The following GNAS variants were observed in gnomAD, a reference collection of about 807,000 sequenced individuals.
GNAS encodes the protein GNAS complex locus, also known as protein ALEX.
A neutral mutation model predicts 54.5 loss-of-function variants in GNAS; 8 were observed. The observed-to-expected ratio is 0.15, with a 90% CI of 0.09 to 0.26. GNAS has a LOEUF of 0.26. Among genes scored for constraint, GNAS ranks in the 10% least tolerant of loss-of-function variants. The pLI is 1.00. For missense variants in GNAS, 170 were observed against 529.8 expected (o/e 0.32, Z 6.67); for synonymous variants, 204 against 191.4 (o/e 1.07, Z -0.54).
chr20:58,890,941 G>C (rs553203177), upstream of GNAS, among the ~76,000 whole-genome samples: 18 of 151,742 alleles, frequency 1.2e-4, no homozygotes, highest in South Asian at 3.3e-3. Context: ...CTAAGTCCGG[G>C]CGCGCGCTCC....
chr20:58,878,890 G>GC (rs2088016915), intron 1 of GNAS, among the ~76,000 whole-genome samples: 1 of 142,340 alleles, frequency 7.0e-6, no homozygotes, highest in Non-Finnish European at 1.5e-5. Context: ...TGCAGAGGCA[G>GC]CGGTGGTGGT....
At chr20:58,888,989 A>T (rs2088818498), upstream of GNAS, 1 of 867,002 alleles carries the variant, frequency 1.2e-6, no homozygotes, top group Non-Finnish European at 1.4e-6. Context: ...CCCCCGGCCC[A>T]CGCCCGCGCG....
chr20:58,900,076 G>A, intron 3 of GNAS: 2 of 603,218 alleles, frequency 3.3e-6, no homozygotes, highest in Non-Finnish European at 6.1e-6. Flanking sequence ...ATCTGAGGGG[G>A]GAGGGGGGAT....
chr20:58,844,830 C>CA (rs1442643199), intron 1 of GNAS, among the ~76,000 whole-genome samples: 4 of 151,618 alleles, frequency 2.6e-5, no homozygotes, highest in Non-Finnish European at 5.9e-5. Context: ...ACAACAACAA[C>CA]AAAAAACCCC....
intron 1 of GNAS, chr20:58,855,207 A>T (rs1408532487): frequency 3.7e-6 from 6 of 1,601,052 alleles, no homozygotes; most frequent in Non-Finnish European, 5.1e-6. Flanking sequence ...GCGCAGACAG[A>T]TGCGCAAAGA....
chr20:58,860,685 G>A (rs1208962216), intron 1 of GNAS, among the ~76,000 whole-genome samples: 2 of 152,022 alleles, frequency 1.3e-5, no homozygotes, highest in African/African-American at 2.4e-5. Flanking sequence ...TTTTTAAGAT[G>A]GAGTCTCGCT....
chr20:58,907,847 C>G (rs992639348), intron 6 of GNAS, among the ~76,000 whole-genome samples: 3 of 152,244 alleles, frequency 2.0e-5, no homozygotes, highest in Non-Finnish European at 4.4e-5. Context: ...TGTTAAAGTT[C>G]AGATACTGGT....
intron 1 of GNAS, among the ~76,000 whole-genome samples, chr20:58,868,408 C>T (rs1465913778): frequency 6.6e-6 from 1 of 152,116 alleles, no homozygotes; most frequent in Non-Finnish European, 1.5e-5. Context: ...CCCACCTTGG[C>T]CTCCCAAAGT....
At chr20:58,877,611 G>A (rs1389442830) in intron 1 of GNAS, among the ~76,000 whole-genome samples, 5 of 152,254 alleles carry the variant, frequency 3.3e-5, no homozygotes, top group African/African-American at 1.2e-4. Flanking sequence ...AAGGGACAGA[G>A]CCCAGGAAGC....
chr20:58,855,715 G>A (rs1230639378), intron 1 of GNAS: 4 of 634,178 alleles, frequency 6.3e-6, no homozygotes, highest in Non-Finnish European at 1.1e-5. Flanking sequence ...TGGGGTCCAC[G>A]GTGGGCTGGG....
intron 1 of GNAS, among the ~76,000 whole-genome samples, chr20:58,883,621 C>CTCCT (rs1273340755): frequency 6.6e-6 from 1 of 152,178 alleles, no homozygotes; most frequent in African/African-American, 2.4e-5. Flanking sequence ...GTTGAGTGGG[C>CTCCT]TCCTGACAGG....
chr20:58,842,337 C>A, intron 1 of GNAS: 1 of 397,656 alleles, frequency 2.5e-6, no homozygotes, highest in Non-Finnish European at 4.4e-6. Context: ...CGGATGACAA[C>A]GATTTGGAGG....
At chr20:58,858,785 T>C (rs1467213146) in intron 1 of GNAS, among the ~76,000 whole-genome samples, 1 of 152,128 alleles carries the variant, frequency 6.6e-6, no homozygotes, top group Non-Finnish European at 1.5e-5. Context: ...TTATTTTTCT[T>C]TTCTCTCTCT....
intron 1 of GNAS, among the ~76,000 whole-genome samples, chr20:58,867,897 G>A (rs2087154329): frequency 6.6e-6 from 1 of 152,146 alleles, no homozygotes; most frequent in Non-Finnish European, 1.5e-5. Flanking sequence ...CTTGAGAAAG[G>A]AGGCTTGAGA....
intron 1 of GNAS, chr20:58,876,528 C>T (rs979765782): frequency 4.6e-5 from 7 of 151,998 alleles, no homozygotes; most frequent in Non-Finnish European, 7.4e-5. Flanking sequence ...GTCCACAACG[C>T]ACAAGAAGTA....
chr20:58,854,831 C>T (rs1293550715), intron 1 of GNAS: 1 of 1,594,964 alleles, frequency 6.3e-7, no homozygotes, highest in Admixed American at 1.7e-5. Context: ...CCTCCGGGGC[C>T]AGACGCAAGA....
chr20:58,901,961 TTA>T lies in GNAS; in HGVS notation c.258-1566_258-1565del, dbSNP rs138592991. 9.8e-3 allele frequency among the ~76,000 whole-genome samples: 1,492 copies of T among 151,718 alleles called. 21 individuals carry two copies. The highest frequency in any genetic ancestry group is 0.034 in the African/African-American group (1,410 of 41,342). On this transcript the variant is annotated intron_variant, in intron 3 of 12. Transcript: ENST00000371085. Reference sequence around the variant, plus strand: ...ACTGTCGTGTTCTAGTCTGGAGAGATTATATGTTTTAATTTCTACTCCAGTCT... The same window carrying T: ...ACTGTCGTGTTCTAGTCTGGAGAGATTATGTTTTAATTTCTACTCCAGTCT...
rs1444758836 is a variant in GNAS, at chr20:58,856,019, G to A, written c.43+15133G>A. 3 of 213,720 alleles carry A rather than the reference G, an allele frequency of 1.4e-5. No individual in the cohort carries two copies. Among genetic ancestry groups the A allele is most frequent in the Non-Finnish European group, 2.8e-5 (3 of 106,598 alleles). 13.2% of individuals were successfully genotyped at this position (213,720 alleles called of 1,614,324 possible). ...GGCAAGCGGTGCGGAGGACACGCGG[G>A]GAAGGTGGCGGGGCCTCCCGGGAAA... On this transcript the variant is annotated intron_variant, in intron 1 of 12. Transcript: ENST00000306090. The surrounding 1 kb of genome is among the most constrained non-coding windows in gnomAD (Gnocchi z 4.2).
At chr20:58,839,862 C>CT (rs1320913725), upstream of GNAS, 6 of 597,018 alleles carry the variant, frequency 1.0e-5, no homozygotes, top group East Asian at 1.1e-4. Flanking sequence ...GAACTTTCCC[C>CT]TTTTTTCCCA....
Sources: gnomAD v4.1 joint callset for allele counts (sites outside exome capture counted in the v4.1 genomes callset) on GRCh38, gnomAD v4.1.1 for gene constraint, Gnocchi (gnomAD v3.1) non-coding constraint, MANE v1.5 for transcripts, NCBI Gene and HGNC (gene_info 2026-07-23, HGNC 2026-07-21) for gene names.